The following LURAP1L variants were observed in gnomAD, a reference collection of about 807,000 sequenced individuals.
The protein encoded by LURAP1L is leucine rich adaptor protein 1 like.
A neutral mutation model predicts 13.8 loss-of-function variants in LURAP1L; 12 were observed. The ratio of observed to expected loss-of-function variants is 0.87; its 90% CI spans 0.56 to 1.41. The LOEUF is 1.41. LURAP1L is among the 40% of genes most tolerant of loss of function. The pLI is 0.00. For synonymous variants in LURAP1L, 139 were observed against 119.2 expected, an observed-to-expected ratio of 1.17 and a Z score of -1.08; for missense variants, 375 against 292.9, an observed-to-expected ratio of 1.28 and a Z score of -2.04.
At chr9:12,790,304 T>G (rs1819422915) in intron 1 of LURAP1L, among the ~76,000 whole-genome samples, 2 of 152,294 alleles carry the variant, frequency 1.3e-5, no homozygotes, top group African/African-American at 2.4e-5. Context: ...GACAGAGCTG[T>G]GACTAATCAA....
chr9:12,782,030 T>C (rs1256186163), intron 1 of LURAP1L, among the ~76,000 whole-genome samples: 3 of 152,254 alleles, frequency 2.0e-5, no homozygotes, highest in Admixed American at 2.0e-4. Flanking sequence ...CACTTTTGAA[T>C]ATACCTGATT....
intron 1 of LURAP1L, among the ~76,000 whole-genome samples, chr9:12,798,613 G>T (rs1167164010): frequency 7.9e-5 from 12 of 152,144 alleles, no homozygotes; most frequent in Admixed American, 7.9e-4. Context: ...ACCCTCATTT[G>T]TGGTCCTTCA....
chr9:12,821,533 G>A lies in LURAP1L; in HGVS notation c.460G>A (p.Glu154Lys), dbSNP rs200478771. Residue 154 changes from glutamate (E) to lysine (K), a missense_variant, in exon 2 of 2, where the codon GAG (glutamate) becomes AAG (lysine). Transcript: ENST00000319264. ...CAGTGGCAGCCTGTGCAGTTTGTTG[G>A]AGAGTCAGAGCACCTCCTTACGTGG... ...SLSGSLCSLL[E>K]SQSTSLRGSY... The A allele has an allele frequency of 1.7e-5, 28 of 1,614,000 alleles. No individual in the cohort carries two copies.
intron 1 of LURAP1L, among the ~76,000 whole-genome samples, chr9:12,817,182 C>T (rs1172254813): frequency 6.6e-5 from 10 of 151,792 alleles, no homozygotes; most frequent in Non-Finnish European, 1.2e-4. Flanking sequence ...CTGCTGGGAA[C>T]GCTTCAATAT....
At chr9:12,805,957 A>T (rs1005935562) in intron 1 of LURAP1L, among the ~76,000 whole-genome samples, 1 of 152,206 alleles carries the variant, frequency 6.6e-6, no homozygotes, top group African/African-American at 2.4e-5. Context: ...ACCAGAAAAA[A>T]AGAAAAGAAA....
At chr9:12,814,348 C>T (rs1819776708) in intron 1 of LURAP1L, 2 of 152,182 alleles carry the variant, frequency 1.3e-5, no homozygotes, top group African/African-American at 4.8e-5. Context: ...AACTTCTCTG[C>T]TGTGAATATG....
intron 1 of LURAP1L, among the ~76,000 whole-genome samples, chr9:12,781,667 A>T (rs1391637335): frequency 1.3e-5 from 2 of 152,180 alleles, no homozygotes; most frequent in Non-Finnish European, 2.9e-5. Context: ...CTCTTGATGG[A>T]CACAGGTTGC....
rs1321888747 is a variant in LURAP1L, at chr9:12,795,319, A to AC, written c.312+19294dup. On this transcript the variant is annotated intron_variant, in intron 1 of 1. Coordinates refer to ENST00000319264, the MANE Select transcript of LURAP1L (RefSeq NM_203403.2). ...GACTATCAGTTCTTTCGTGGCTAGA[A>AC]CCAGGTCCAGTTCATTCCATCTTTA... Among the ~76,000 whole-genome samples the AC allele has an allele frequency of 5.9e-5, 9 of 152,126 alleles. No individual in the cohort carries two copies. In the South Asian group the frequency reaches 1.5e-3, roughly 25 times the overall value.
intron 1 of LURAP1L, among the ~76,000 whole-genome samples, chr9:12,785,097 T>A (rs1400616186): frequency 1.3e-5 from 2 of 152,028 alleles, no homozygotes; most frequent in Non-Finnish European, 2.9e-5. Context: ...CAGGCCTGGT[T>A]ATCTCCCTTC....
chr9:12,777,117 G>A (rs935424542), intron 1 of LURAP1L: 1 of 490,498 alleles, frequency 2.0e-6, no homozygotes, highest in Non-Finnish European at 2.6e-6. Context: ...CTATCACTCC[G>A]ACAGGAATGC....
rs199615843 is a variant in LURAP1L at position 12,821,529 on chromosome 9, G to T, written c.456G>T (p.Leu152Phe). 6.2e-7 allele frequency: 1 copy of T among 1,614,168 alleles called. No homozygotes were observed. The highest frequency in any genetic ancestry group is 2.2e-5 in the East Asian group (1 of 44,870). Residue 152 changes from leucine to phenylalanine, a missense_variant, in exon 2 of 2, where the codon TTG becomes TTT. Transcript: ENST00000319264. ...GSSLSGSLCS[L>F]LESQSTSLRG... ...GCCTCAGTGGCAGCCTGTGCAGTTTGTTGGAGAGTCAGAGCACCTCCTTAC... is the reference window on the plus strand; with the variant it reads ...GCCTCAGTGGCAGCCTGTGCAGTTTTTTGGAGAGTCAGAGCACCTCCTTAC...
At chr9:12,815,890 G>A (rs1330020419) in intron 1 of LURAP1L, among the ~76,000 whole-genome samples, 2 of 152,154 alleles carry the variant, frequency 1.3e-5, no homozygotes, top group Non-Finnish European at 2.9e-5. Flanking sequence ...CAAATGGTGA[G>A]AGCAAAAATT....
intron 1 of LURAP1L, among the ~76,000 whole-genome samples, chr9:12,797,090 A>G (rs1050135318): frequency 1.3e-5 from 2 of 152,088 alleles, no homozygotes; most frequent in African/African-American, 4.8e-5. Context: ...GGATTACCAA[A>G]CAAAAGCAAT....
chr9:12,780,284 A>G (rs2118459100), intron 1 of LURAP1L, among the ~76,000 whole-genome samples: 1 of 152,294 alleles, frequency 6.6e-6, no homozygotes, highest in South Asian at 2.1e-4. Flanking sequence ...GTTGCACAGC[A>G]CTGTGTGGTG....
chr9:12,811,176 G>A (rs903264867), intron 1 of LURAP1L, among the ~76,000 whole-genome samples: 1 of 152,088 alleles, frequency 6.6e-6, no homozygotes, highest in Non-Finnish European at 1.5e-5. Flanking sequence ...ATTAAATGAG[G>A]AATTCTGAAA....
intron 1 of LURAP1L, among the ~76,000 whole-genome samples, chr9:12,798,278 C>T (rs1003192381): frequency 6.6e-6 from 1 of 152,142 alleles, no homozygotes; most frequent in Non-Finnish European, 1.5e-5. Flanking sequence ...ATTCTGGCCA[C>T]CAGCAAACAT....
At position 12,821,916 on chromosome 9, in the gene LURAP1L, A is replaced by G; in HGVS notation, c.*156A>G. The G allele has an allele frequency of 2.6e-6, 2 of 763,548 alleles. No homozygotes were observed. The highest frequency in any genetic ancestry group is 4.1e-6 in the Non-Finnish European group (2 of 481,966). 47.3% of individuals were successfully genotyped at this position (763,548 alleles called of 1,614,324 possible). ...TAATGGTATTGCTGTTGCTCCTAAT[A>G]CTTCTCATCTGAGCTGATTTATTTT... On this transcript the variant is annotated 3_prime_UTR_variant, in exon 2 of 2. Transcript: ENST00000319264.
At chr9:12,811,189 C>G (rs953178573) in intron 1 of LURAP1L, among the ~76,000 whole-genome samples, 3 of 152,082 alleles carry the variant, frequency 2.0e-5, no homozygotes, top group Non-Finnish European at 4.4e-5. Flanking sequence ...TTCTGAAAAG[C>G]AAGATTGCAA....
At chr9:12,810,163 C>A (rs1252263344) in intron 1 of LURAP1L, among the ~76,000 whole-genome samples, 1 of 152,164 alleles carries the variant, frequency 6.6e-6, no homozygotes, top group Non-Finnish European at 1.5e-5. Context: ...GCCAGAAGCA[C>A]AGGGGATATT....
Sources: gnomAD v4.1 joint callset for allele counts (sites outside exome capture counted in the v4.1 genomes callset) on GRCh38, gnomAD v4.1.1 for gene constraint, MANE v1.5 for transcripts, NCBI Gene and HGNC (gene_info 2026-07-23, HGNC 2026-07-21) for gene names.